SLC1A1: variants seen among roughly 807,000 people sequenced by gnomAD.
The protein encoded by SLC1A1 is excitatory amino acid transporter 3.
In SLC1A1, 43 loss-of-function variants were observed where a neutral mutation model predicts 53.3. The observed-to-expected ratio is 0.81, with a 90% CI of 0.63 to 1.04. The LOEUF is 1.04. Among genes scored for constraint, SLC1A1 ranks in the 50% least tolerant of loss-of-function variants. The pLI is 0.00. For synonymous variants in SLC1A1, 307 were observed against 243.2 expected, an observed-to-expected ratio of 1.26 and a Z score of -2.44; for missense variants, 748 against 664.9, an observed-to-expected ratio of 1.12 and a Z score of -1.37.
chr9:4,566,035 T>C lies in SLC1A1; in HGVS notation c.441-12T>C, dbSNP rs1819455007. On this transcript the variant is annotated splice_polypyrimidine_tract_variant and intron_variant, in intron 4 of 11. Coordinates refer to ENST00000262352, the MANE Select transcript of SLC1A1 (RefSeq NM_004170.6). ...TGCCCTAACATAATACTGCCTTTTA[T>C]GTCTCCAACAGGAATATGTTCCCTG... is the stretch of plus-strand genomic sequence containing the variant. 5.6e-6 allele frequency: 9 copies of C among 1,610,332 alleles called. No individual in the cohort carries two copies. Among genetic ancestry groups the C allele is most frequent in the Non-Finnish European group, 6.8e-6 (8 of 1,176,604 alleles).
At chr9:4,496,265 A>T (rs7852072) in intron 1 of SLC1A1, among the ~76,000 whole-genome samples, 134,692 of 152,114 alleles carry the variant, frequency 0.89, 59,711 homozygotes, top group East Asian at 0.94. Context: ...CTGAGGAGGA[A>T]GTTCAACAGC....
chr9:4,573,607 T>C (rs748749529), intron 7 of SLC1A1, among the ~76,000 whole-genome samples: 5 of 152,126 alleles, frequency 3.3e-5, no homozygotes, highest in African/African-American at 1.2e-4. Context: ...AGGATATATA[T>C]GCACTAGGAA....
chr9:4,499,801 T>C (rs1442601100), intron 1 of SLC1A1, among the ~76,000 whole-genome samples: 1 of 152,192 alleles, frequency 6.6e-6, no homozygotes, highest in African/African-American at 2.4e-5. Context: ...AACTACAAAA[T>C]TGAAGTTGCT....
At chr9:4,566,391 C>A (rs923581114) in intron 5 of SLC1A1, among the ~76,000 whole-genome samples, 8 of 152,186 alleles carry the variant, frequency 5.3e-5, no homozygotes, top group African/African-American at 1.9e-4. Context: ...AATGTGGCCT[C>A]CAGTACCTAT....
chr9:4,508,284 T>A (rs576509451), intron 1 of SLC1A1, among the ~76,000 whole-genome samples: 1 of 152,192 alleles, frequency 6.6e-6, no homozygotes, highest in East Asian at 1.9e-4. Flanking sequence ...CCACAAGTCA[T>A]AGATATGTAT....
intron 1 of SLC1A1, among the ~76,000 whole-genome samples, chr9:4,499,839 A>G (rs1179238258): frequency 6.6e-6 from 1 of 152,268 alleles, no homozygotes; most frequent in African/African-American, 2.4e-5. Context: ...AGCACTGGGC[A>G]TAAGAAATAA....
rs545388810 is a variant in SLC1A1 at position 4,576,243 on chromosome 9, C to T, written c.998+120C>T. 8.5e-5 allele frequency: 82 copies of T among 963,200 alleles called. No individual in the cohort carries two copies. The East Asian group carries it at 1.6e-3, about 19-fold the overall frequency. The allele number at this position is 963,200 out of a possible 1,614,324, so 59.7% of individuals were successfully genotyped here. On this transcript the variant is annotated intron_variant, in intron 9 of 11. Transcript: ENST00000262352. ...GTAGCTGTCTTTGAGAAATGACCTC[C>T]GTATTCTCGGCCCCTGGCCCTGAAC... is the stretch of plus-strand genomic sequence containing the variant.
intron 1 of SLC1A1, among the ~76,000 whole-genome samples, chr9:4,515,498 C>A (rs762373376): frequency 2.6e-5 from 4 of 152,096 alleles, no homozygotes; most frequent in Non-Finnish European, 4.4e-5. Flanking sequence ...ACTGGGGAAA[C>A]AGCATGAGGC....
chr9:4,493,972 T>C (rs1434949910), intron 1 of SLC1A1, among the ~76,000 whole-genome samples: 1 of 152,206 alleles, frequency 6.6e-6, no homozygotes, highest in Non-Finnish European at 1.5e-5. Context: ...TAAACATTTC[T>C]CAAATTCTTG....
intron 1 of SLC1A1, among the ~76,000 whole-genome samples, chr9:4,510,454 A>G (rs898853734): frequency 4.6e-5 from 7 of 152,218 alleles, no homozygotes; most frequent in Non-Finnish European, 1.5e-5. Context: ...GGCTTAATCC[A>G]GAAAGGTGTA....
intron 1 of SLC1A1, among the ~76,000 whole-genome samples, chr9:4,519,547 A>G (rs1341490872): frequency 6.6e-6 from 1 of 152,156 alleles, no homozygotes; most frequent in Non-Finnish European, 1.5e-5. Context: ...TCTACTTGTG[A>G]TATTATTATC....
chr9:4,570,185 A>T (rs994012940), intron 6 of SLC1A1, among the ~76,000 whole-genome samples: 1 of 152,146 alleles, frequency 6.6e-6, no homozygotes, highest in African/African-American at 2.4e-5. Flanking sequence ...TGTATCTCAT[A>T]GTTTGGGCGC....
intron 1 of SLC1A1, among the ~76,000 whole-genome samples, chr9:4,507,335 G>A (rs563764220): frequency 1.3e-5 from 2 of 152,042 alleles, no homozygotes; most frequent in African/African-American, 4.8e-5. Context: ...GGTCTCTGGT[G>A]GTCATCCCAG....
At chr9:4,526,457 T>A (rs1179847971) in intron 1 of SLC1A1, among the ~76,000 whole-genome samples, 1 of 152,118 alleles carries the variant, frequency 6.6e-6, no homozygotes, top group African/African-American at 2.4e-5. Context: ...GTAGTAGATG[T>A]ATAAAGGCAT....
rs1303478106 is a variant in SLC1A1 at position 4,564,367 on chromosome 9, A to G, written c.349A>G (p.Lys117Glu). 1 of 1,613,550 alleles carries G rather than the reference A, an allele frequency of 6.2e-7. No individual in the cohort carries two copies. Among genetic ancestry groups the G allele is most frequent in the Non-Finnish European group, 8.5e-7 (1 of 1,179,782 alleles). ...AGGTATTGTGCTGGTGGTGAGCATC[A>G]AGCCTGGTGTCACCCAGAAAGTGGG... ...ILGIVLVVSIKPGVTQKVGEI... is the reference protein window; with the variant it reads ...ILGIVLVVSIEPGVTQKVGEI... Residue 117 changes from lysine (K) to glutamate (E), a missense_variant, in exon 4 of 12, where the codon AAG becomes GAG. Coordinates refer to ENST00000262352, the MANE Select transcript of SLC1A1 (RefSeq NM_004170.6).
rs1017569485 is a variant in SLC1A1, at chr9:4,530,889, G to T, written c.92-13678G>T. On this transcript the variant is annotated intron_variant, in intron 1 of 11. Coordinates refer to ENST00000262352, the MANE Select transcript of SLC1A1 (RefSeq NM_004170.6). The stretch of plus-strand genomic sequence containing the variant: ...TACCTTAAAACTTAAACCTAAAAAT[G>T]TATGCTAATATGAACCTTTGCTTGA... Among the ~76,000 whole-genome samples, 3 of 152,166 alleles carry T rather than the reference G, an allele frequency of 2.0e-5. No homozygotes were observed. The South Asian group carries it at 6.2e-4, about 31-fold the overall frequency.
At chr9:4,527,816 G>C (rs1488204148) in intron 1 of SLC1A1, among the ~76,000 whole-genome samples, 1 of 152,012 alleles carries the variant, frequency 6.6e-6, no homozygotes, top group Non-Finnish European at 1.5e-5. Context: ...CTGGGTATCT[G>C]TCATGGCAAA....
At position 4,502,955 on chromosome 9, in the gene SLC1A1, G is replaced by A. The variant is rs111325213; in HGVS notation, c.91+12185G>A. ...GAATTCTAGTGAAACTCATCTAGTT[G>A]CTTTCCCAGAACTGTTGTACTTTCA... On this transcript the variant is annotated intron_variant, in intron 1 of 11. Transcript: ENST00000262352. 3.3e-3 allele frequency among the ~76,000 whole-genome samples: 505 copies of A among 151,744 alleles called. 24 individuals carry two copies. The highest frequency in any genetic ancestry group is 0.011 in the African/African-American group (450 of 41,092).
At chr9:4,493,992 T>C (rs1820324088) in intron 1 of SLC1A1, among the ~76,000 whole-genome samples, 2 of 152,226 alleles carry the variant, frequency 1.3e-5, no homozygotes, top group Non-Finnish European at 2.9e-5. Flanking sequence ...GTTCACAAGA[T>C]GAAGGGATTC....
Sources: allele counts gnomAD v4.1 joint callset (sites outside exome capture counted in the v4.1 genomes callset), GRCh38; gene constraint gnomAD v4.1.1; transcripts MANE v1.5; gene names NCBI Gene and HGNC (gene_info 2026-07-23, HGNC 2026-07-21).